The following TRHDE variants were observed in gnomAD, a reference collection of about 807,000 sequenced individuals.
TRHDE encodes thyrotropin releasing hormone degrading enzyme.
TRHDE carries 72 observed loss-of-function variants against 125.7 expected under a neutral mutation model. The observed-to-expected ratio is 0.57, with a 90% confidence interval of 0.47 to 0.70. The LOEUF (loss-of-function observed/expected upper bound fraction) is 0.70, where lower values mean the gene tolerates loss of function less well. TRHDE is among the 30% of genes least tolerant of loss of function. TRHDE has a pLI of 0.00. For synonymous variants in TRHDE, 509 were observed against 509.1 expected (o/e 1.00, Z 0.00); for missense variants, 1,110 against 1,327.1 (o/e 0.84, Z 2.54).
intron 6 of TRHDE, among the ~76,000 whole-genome samples, chr12:72,525,197 A>G (rs1868310908): frequency 6.6e-6 from 1 of 152,152 alleles, no homozygotes; most frequent in Non-Finnish European, 1.5e-5. Flanking sequence ...ATTTAATGGT[A>G]TTTTAAAAAG....
chr12:72,140,770 A>G (rs1049457934), intron 2 of TRHDE, among the ~76,000 whole-genome samples: 4 of 152,132 alleles, frequency 2.6e-5, no homozygotes, highest in Non-Finnish European at 4.4e-5. Flanking sequence ...TTCCCTGTGC[A>G]TGGTTTTCTC....
At chr12:72,295,790 T>C (rs987355473) in intron 2 of TRHDE, among the ~76,000 whole-genome samples, 10 of 35,232 alleles carry the variant, frequency 2.8e-4, no homozygotes, top group African/African-American at 1.2e-3. Context: ...CCATGTATTC[T>C]ATTTTTTTTT....
chr12:72,502,744 A>G (rs1878208862), intron 6 of TRHDE, among the ~76,000 whole-genome samples: 1 of 152,148 alleles, frequency 6.6e-6, no homozygotes, highest in African/African-American at 2.4e-5. Flanking sequence ...TGCTTTCTTG[A>G]TGGGCCTTCA....
At chr12:72,204,643 C>A (rs551151345) in intron 2 of TRHDE, among the ~76,000 whole-genome samples, 1 of 152,144 alleles carries the variant, frequency 6.6e-6, no homozygotes, top group South Asian at 2.1e-4. Context: ...AATTTCTTCC[C>A]ACTTTTCTAT....
intron 5 of TRHDE, among the ~76,000 whole-genome samples, chr12:72,490,117 T>C (rs190172254): frequency 6.6e-6 from 1 of 151,710 alleles, no homozygotes; most frequent in African/African-American, 2.4e-5. Flanking sequence ...GTCCAAAAGA[T>C]ATAAAGAACA....
At chr12:72,197,767 G>T (rs1877474221) in intron 2 of TRHDE, among the ~76,000 whole-genome samples, 1 of 152,020 alleles carries the variant, frequency 6.6e-6, no homozygotes, top group South Asian at 2.1e-4. Context: ...TCTGGATCCT[G>T]CTTACACTTT....
intron 2 of TRHDE, among the ~76,000 whole-genome samples, chr12:72,310,357 C>T (rs1472294929): frequency 1.3e-5 from 2 of 152,210 alleles, no homozygotes; most frequent in African/African-American, 4.8e-5. Flanking sequence ...AGCCTTTGGC[C>T]TGTGCCTATG....
At chr12:72,175,295 A>G (rs934346681) in intron 2 of TRHDE, among the ~76,000 whole-genome samples, 7 of 152,204 alleles carry the variant, frequency 4.6e-5, no homozygotes, top group African/African-American at 1.7e-4. Flanking sequence ...GATATCCTCA[A>G]GGTCCAGCCA....
chr12:72,628,500 C>G (rs1325741752), intron 15 of TRHDE, among the ~76,000 whole-genome samples: 1 of 151,854 alleles, frequency 6.6e-6, no homozygotes, highest in Admixed American at 6.6e-5. Flanking sequence ...AGAACATCCT[C>G]TAAAAATTTT....
chr12:72,535,171 T>A (rs918988954), intron 6 of TRHDE, among the ~76,000 whole-genome samples: 2 of 152,030 alleles, frequency 1.3e-5, no homozygotes, highest in African/African-American at 4.8e-5. Context: ...CTCAGAAAAA[T>A]TTTGAAATAG....
At chr12:72,523,293 T>A (rs1266215764) in intron 6 of TRHDE, among the ~76,000 whole-genome samples, 3 of 152,144 alleles carry the variant, frequency 2.0e-5, no homozygotes, top group Non-Finnish European at 4.4e-5. Context: ...GGTATTAGGG[T>A]GTTTATTTCT....
chr12:72,193,410 T>A (rs1877377651), intron 2 of TRHDE, among the ~76,000 whole-genome samples: 1 of 152,168 alleles, frequency 6.6e-6, no homozygotes, highest in Non-Finnish European at 1.5e-5. Flanking sequence ...AGAAATTATT[T>A]ATTCAGTAGC....
intron 1 of TRHDE, among the ~76,000 whole-genome samples, chr12:72,281,018 C>T (rs146977310): frequency 6.6e-6 from 1 of 152,128 alleles, no homozygotes; most frequent in African/African-American, 2.4e-5. Context: ...CAATGATGAT[C>T]AAGTACGCAG....
intron 6 of TRHDE, among the ~76,000 whole-genome samples, chr12:72,502,243 G>A (rs778983400): frequency 2.6e-5 from 4 of 151,914 alleles, no homozygotes; most frequent in Non-Finnish European, 5.9e-5. Context: ...GGTAGAAGCT[G>A]AGGTCATTAA....
Position 72,634,751 on chromosome 12 carries a change from G to C in TRHDE, c.2675+13000G>C, listed in dbSNP as rs1358221236. On this transcript the variant is annotated intron_variant, in intron 15 of 18. Coordinates refer to ENST00000261180, the MANE Select transcript of TRHDE (RefSeq NM_013381.3). ...CCACCTATGAGTGAGAATATGCGGT[G>C]TTTGGTTTTTTGTTCTTGTGATAGT... Among the ~76,000 whole-genome samples, 6 of 149,448 alleles carry C rather than the reference G, an allele frequency of 4.0e-5. No homozygotes were observed. The East Asian group carries it at 1.2e-3, about 30-fold the overall frequency.
chr12:72,220,052 C>T (rs565105443), intron 2 of TRHDE, among the ~76,000 whole-genome samples: 2 of 152,124 alleles, frequency 1.3e-5, no homozygotes, highest in Non-Finnish European at 1.5e-5. Context: ...TGAAAAGGCA[C>T]AGGCTTTTGA....
intron 2 of TRHDE, among the ~76,000 whole-genome samples, chr12:72,316,643 A>G (rs1868816153): frequency 6.6e-6 from 1 of 152,222 alleles, no homozygotes; most frequent in Non-Finnish European, 1.5e-5. Context: ...AATCATCCAT[A>G]CATGCTCTTT....
intron 15 of TRHDE, among the ~76,000 whole-genome samples, chr12:72,641,136 T>A (rs1437012943): frequency 6.6e-6 from 1 of 152,130 alleles, no homozygotes; most frequent in Non-Finnish European, 1.5e-5. Context: ...TCAAATTAGG[T>A]CTGCCAAAAA....
At chr12:72,197,123 C>G (rs1465159041) in intron 2 of TRHDE, among the ~76,000 whole-genome samples, 1 of 152,118 alleles carries the variant, frequency 6.6e-6, no homozygotes, top group Non-Finnish European at 1.5e-5. Context: ...CCTTGAAACA[C>G]TATCTTTAGT....
Sources: gnomAD v4.1 joint callset for allele counts (sites outside exome capture counted in the v4.1 genomes callset) on GRCh38, gnomAD v4.1.1 for gene constraint, MANE v1.5 for transcripts, NCBI Gene and HGNC (gene_info 2026-07-23, HGNC 2026-07-21) for gene names.